TINAGL1: variants seen among roughly 807,000 people sequenced by gnomAD.
TINAGL1 encodes tubulointerstitial nephritis antigen like 1.
A neutral mutation model predicts 62.0 loss-of-function variants in TINAGL1; 34 were observed. The ratio of observed to expected loss-of-function variants is 0.55; its 90% CI spans 0.42 to 0.73. The LOEUF is 0.73. Ranked by LOEUF, TINAGL1 falls within the 30% of genes least tolerant of loss-of-function variation. TINAGL1 has a pLI of 0.00. For synonymous variants in TINAGL1, 221 were observed against 249.7 expected, an observed-to-expected ratio of 0.88 and a Z score of 1.08; for missense variants, 516 against 653.2, an observed-to-expected ratio of 0.79 and a Z score of 2.29.
Position 31,586,981 on chromosome 1 carries a change from G to A in TINAGL1, c.*2G>A, listed in dbSNP as rs1269687176. The A allele has an allele frequency of 2.7e-6, 4 of 1,485,076 alleles. No individual in the cohort carries two copies. The highest frequency in any genetic ancestry group is 3.6e-6 in the Non-Finnish European group (4 of 1,121,190). 92.0% of individuals were successfully genotyped at this position (1,485,076 alleles called of 1,614,324 possible). A position where few individuals can be genotyped will look rare whatever the true frequency, so the allele number is the denominator to read the frequency against. Reference sequence around the variant, plus strand: ...ATGGAGGACATGGGTCATCACTGAGGCTGCGGGCACCACGCGGGGTCCGGC... The same window carrying A: ...ATGGAGGACATGGGTCATCACTGAGACTGCGGGCACCACGCGGGGTCCGGC... On this transcript the variant is annotated 3_prime_UTR_variant, in exon 12 of 12. Coordinates refer to ENST00000271064, the MANE Select transcript of TINAGL1 (RefSeq NM_022164.3).
chr1:31,586,139 TC>T, intron 10 of TINAGL1: 1 of 374,518 alleles, frequency 2.7e-6, no homozygotes, highest in Non-Finnish European at 4.7e-6. Context: ...CTCAAGAGTT[TC>T]TCAACCTCTC....
chr1:31,576,988 C>G lies in TINAGL1; in HGVS notation c.-15-146C>G, dbSNP rs1244276787. 1 of 704,856 alleles carries G rather than the reference C, an allele frequency of 1.4e-6. No homozygotes were observed. The allele number at this position is 704,856 out of a possible 1,614,324, so 43.7% of individuals were successfully genotyped here. A position where few individuals can be genotyped will look rare whatever the true frequency, so the allele number is the denominator to read the frequency against. ...TATAGCCAGGGCCCACACACTGGGG[C>G]TCCTCTGCCCGTGTCCTGCCTGGGG... On this transcript the variant is annotated intron_variant, in intron 1 of 11. Coordinates refer to ENST00000271064, the MANE Select transcript of TINAGL1 (RefSeq NM_022164.3). This position sits in a 1 kb window ranked among gnomAD's most constrained non-coding sequence, Gnocchi z 5.1.
rs1639314893 is a variant in TINAGL1 at position 31,583,909 on chromosome 1, A to T, written c.582+334A>T. ...ACCTTGGTATTTTGGGAAGGGAAGG[A>T]CACACACTCCTCCAGTTCTGGCCAG... On this transcript the variant is annotated intron_variant, in intron 5 of 11. Transcript: ENST00000271064. The surrounding 1 kb of genome is among the most constrained non-coding windows in gnomAD (Gnocchi z 4.4). 3.7e-6 allele frequency: 1 copy of T among 268,524 alleles called. No individual in the cohort carries two copies. The highest frequency in any genetic ancestry group is 4.7e-5 in the Admixed American group (1 of 21,408). The allele number at this position is 268,524 out of a possible 1,614,324, so 16.6% of individuals were successfully genotyped here.
In TINAGL1 at chr1:31,576,993, C is replaced by T; in HGVS notation, c.-15-141C>T. 1.3e-6 allele frequency: 1 copy of T among 750,918 alleles called. No homozygotes were observed. The highest frequency in any genetic ancestry group is 2.1e-6 in the Non-Finnish European group (1 of 484,128). The allele number at this position is 750,918 out of a possible 1,614,324, so 46.5% of individuals were successfully genotyped here. On this transcript the variant is annotated intron_variant, in intron 1 of 11. Transcript: ENST00000271064. The surrounding 1 kb of genome is among the most constrained non-coding windows in gnomAD (Gnocchi z 5.1). Reference sequence around the variant, plus strand: ...CCAGGGCCCACACACTGGGGCTCCTCTGCCCGTGTCCTGCCTGGGGACTCA... The same window carrying T: ...CCAGGGCCCACACACTGGGGCTCCTTTGCCCGTGTCCTGCCTGGGGACTCA...
chr1:31,586,359 C>T, intron 10 of TINAGL1: 1 of 473,688 alleles, frequency 2.1e-6, no homozygotes, highest in Non-Finnish European at 3.8e-6. Flanking sequence ...GCCCTTGGCA[C>T]CTACCCCTCC....
intron 3 of TINAGL1, among the ~76,000 whole-genome samples, chr1:31,581,241 C>T (rs1393544106): frequency 7.1e-6 from 1 of 140,722 alleles, no homozygotes; most frequent in East Asian, 2.5e-4. Flanking sequence ...AGCACACGGT[C>T]TGATTTACGT....
intron 2 of TINAGL1, among the ~76,000 whole-genome samples, chr1:31,578,657 GGT>G (rs10577315): frequency 0.062 from 4,815 of 77,572 alleles, 332 homozygotes; most frequent in East Asian, 0.2. Flanking sequence ...AGTGAGAGCT[GGT>G]GTGTGTGTGT....
chr1:31,585,073 C>T lies in TINAGL1; in HGVS notation c.857+37C>T, dbSNP rs1193969888. 7 of 1,572,736 alleles carry T rather than the reference C, an allele frequency of 4.5e-6. No individual in the cohort carries two copies. The highest frequency in any genetic ancestry group is 6.1e-6 in the Non-Finnish European group (7 of 1,155,050). Reference sequence around the variant, plus strand: ...CAGGGGATGTGGGCAGAGAAGAGGGCAAGGAGCTCCGTGGGCATGGCCTGG... The same window carrying T: ...CAGGGGATGTGGGCAGAGAAGAGGGTAAGGAGCTCCGTGGGCATGGCCTGG... On this transcript the variant is annotated intron_variant, in intron 7 of 11. Transcript: ENST00000271064. The surrounding 1 kb of genome is among the most constrained non-coding windows in gnomAD (Gnocchi z 4.3).
At position 31,580,199 on chromosome 1, in the gene TINAGL1, C is replaced by CTG. The variant is rs751222405; in HGVS notation, c.374+933_374+934insGT. ...TCTCTCTCTCTCTCTCTCTCTCTCT[C>CTG]TCTCTCTCTCTCTGTCTCTCTCTCT... On this transcript the variant is annotated intron_variant, in intron 3 of 11. Coordinates refer to ENST00000271064, the MANE Select transcript of TINAGL1 (RefSeq NM_022164.3). The CTG allele has an allele frequency of 8.5e-3, 3,819 of 448,034 alleles. 131 individuals carry two copies. Among genetic ancestry groups the CTG allele is most frequent in the Admixed American group, 0.067 (715 of 10,730 alleles). 27.8% of individuals were successfully genotyped at this position (448,034 alleles called of 1,614,324 possible).
In TINAGL1 at chr1:31,583,029, A is replaced by C. The variant is rs986689548; in HGVS notation, c.375-120A>C. On this transcript the variant is annotated intron_variant, in intron 3 of 11. Transcript: ENST00000271064. This position sits in a 1 kb window ranked among gnomAD's most constrained non-coding sequence, Gnocchi z 4.4. ...GCCACCAGGCTGGATGGGATCACCT[A>C]GAGATTCTCCCACAGTCACTTGCAC... is the stretch of plus-strand genomic sequence containing the variant. The C allele has an allele frequency of 6.6e-4, 536 of 808,314 alleles. No homozygotes were observed. The highest frequency in any genetic ancestry group is 9.5e-4 in the Non-Finnish European group (445 of 467,118). The allele number at this position is 808,314 out of a possible 1,614,324, so 50.1% of individuals were successfully genotyped here. A position where few individuals can be genotyped will look rare whatever the true frequency, so the allele number is the denominator to read the frequency against.
At chr1:31,578,434 GGTGTGTGT>G (rs10577314) in intron 2 of TINAGL1, among the ~76,000 whole-genome samples, 2 of 99,918 alleles carry the variant, frequency 2.0e-5, no homozygotes, top group East Asian at 3.2e-4. Context: ...AGTGACAGCT[GGTGTGTGT>G]GTGTGTGTGT....
chr1:31,586,887 C>A lies in TINAGL1; in HGVS notation c.1312C>A (p.Arg438Ser). The change falls in exon 12 of 12, where the codon CGC (arginine) becomes AGC (serine). Residue 438 changes from arginine (R) to serine (S), a missense_variant. By Grantham distance (110) the Arg-to-Ser change is moderately radical. Coordinates refer to ENST00000271064, the MANE Select transcript of TINAGL1 (RefSeq NM_022164.3). ...GPAWGERGHFRIVRGVNECDI... is the reference protein window; with the variant it reads ...GPAWGERGHFSIVRGVNECDI... ...AGCCTGGGGCGAGAGGGGCCACTTCCGCATCGTGCGCGGCGTCAATGAGTG... is the reference window on the plus strand; with the variant it reads ...AGCCTGGGGCGAGAGGGGCCACTTCAGCATCGTGCGCGGCGTCAATGAGTG... 2 of 1,550,752 alleles carry A rather than the reference C, an allele frequency of 1.3e-6. No homozygotes were observed. Among genetic ancestry groups the A allele is most frequent in the East Asian group, 2.3e-5 (1 of 43,474 alleles).
intron 2 of TINAGL1, chr1:31,578,264 G>GTA (rs1225825081): frequency 3.1e-6 from 2 of 638,594 alleles, no homozygotes; most frequent in African/African-American, 4.0e-5. Context: ...GTGTGTGTGT[G>GTA]TGTGTGTGTG....
intron 3 of TINAGL1, 58 bp downstream of exon 3, chr1:31,579,325 G>A (rs1315641031): frequency 3.3e-6 from 5 of 1,505,768 alleles, no homozygotes; most frequent in Non-Finnish European, 4.6e-6. Context: ...GACAGACTTG[G>A]TTCAAATCTT....
rs1639296793 is a variant in TINAGL1, at chr1:31,583,346, A to C, written c.467+105A>C. 6.8e-7 allele frequency: 1 copy of C among 1,480,524 alleles called. No individual in the cohort carries two copies. Among genetic ancestry groups the C allele is most frequent in the African/African-American group, 1.4e-5 (1 of 72,110 alleles). The allele number at this position is 1,480,524 out of a possible 1,614,324, so 91.7% of individuals were successfully genotyped here. A position where few individuals can be genotyped will look rare whatever the true frequency, so the allele number is the denominator to read the frequency against. On this transcript the variant is annotated intron_variant, in intron 4 of 11. Transcript: ENST00000271064. This position sits in a 1 kb window ranked among gnomAD's most constrained non-coding sequence, Gnocchi z 4.4. ...CGTCCAGCAGGCCACTCCTACACCCAGATTTGACTGTGTGTGCGCTCAGCC... is the reference window on the plus strand; with the variant it reads ...CGTCCAGCAGGCCACTCCTACACCCCGATTTGACTGTGTGTGCGCTCAGCC...
rs116474307 is a variant in TINAGL1, at chr1:31,580,291, C to T, written c.374+1024C>T. On this transcript the variant is annotated intron_variant, in intron 3 of 11. Coordinates refer to ENST00000271064, the MANE Select transcript of TINAGL1 (RefSeq NM_022164.3). ...ACTGCTGTCCCTGGCCCCTTAGGCC[C>T]CCTCTGGAATGCTGGGACCTGCTAC... The T allele has an allele frequency of 1.2e-3, 1,515 of 1,234,700 alleles. 25 individuals carry two copies. In the African/African-American group the frequency reaches 0.022, roughly 18 times the overall value. 76.5% of individuals were successfully genotyped at this position (1,234,700 alleles called of 1,614,324 possible).
In TINAGL1 at chr1:31,583,584, A is replaced by G. The variant is rs912015252; in HGVS notation, c.582+9A>G. 3 of 1,606,052 alleles carry G rather than the reference A, an allele frequency of 1.9e-6. No individual in the cohort carries two copies. Among genetic ancestry groups the G allele is most frequent in the African/African-American group, 2.7e-5 (2 of 74,898 alleles). The stretch of plus-strand genomic sequence containing the variant: ...ACATGCATGAAATTTATGTAAGTCC[A>G]TCCTTCCCCACAATGCTGCCATCTC... On this transcript the variant is annotated intron_variant, in intron 5 of 11. Transcript: ENST00000271064. This position sits in a 1 kb window ranked among gnomAD's most constrained non-coding sequence, Gnocchi z 4.4.
chr1:31,579,063 ATGTG>A (rs139778483), intron 2 of TINAGL1, 137 bp from the exon 3 acceptor site: 6 of 606,442 alleles, frequency 9.9e-6, no homozygotes, highest in Non-Finnish European at 1.5e-5. Flanking sequence ...GAGAGCTGGT[ATGTG>A]TGTGTGTGTG....
chr1:31,577,876 A>G lies in TINAGL1; in HGVS notation c.310+418A>G, dbSNP rs940767680. 3.8e-5 allele frequency: 7 copies of G among 183,998 alleles called. No homozygotes were observed. The highest frequency in any genetic ancestry group is 8.0e-5 in the Non-Finnish European group (7 of 88,034). The allele number at this position is 183,998 out of a possible 1,614,324, so 11.4% of individuals were successfully genotyped here. ...ATGGGTCAAATCTTTTCCTGCTTTC[A>G]GCCTCACCATCATCCTTTTCCATGC... is the stretch of plus-strand genomic sequence containing the variant. On this transcript the variant is annotated intron_variant, in intron 2 of 11. Transcript: ENST00000271064. The surrounding 1 kb of genome is among the most constrained non-coding windows in gnomAD (Gnocchi z 5.4).
Sources: gnomAD v4.1 joint callset for allele counts (sites outside exome capture counted in the v4.1 genomes callset) on GRCh38, gnomAD v4.1.1 for gene constraint, Gnocchi (gnomAD v3.1) non-coding constraint, MANE v1.5 for transcripts, NCBI Gene and HGNC (gene_info 2026-07-23, HGNC 2026-07-21) for gene names.